The following TRDN variants were observed in gnomAD, a reference collection of about 807,000 sequenced individuals.
TRDN encodes the protein triadin, also known as triadin in skeletal muscle.
Under a neutral mutation model 149.7 loss-of-function variants are expected in TRDN, and 161 were observed. That is an observed-to-expected ratio of 1.08 (90% CI 0.95 to 1.23). The LOEUF is 1.23. Among genes scored for constraint, TRDN ranks in the 50% most tolerant of loss-of-function variants. The pLI, the probability that TRDN is intolerant of heterozygous loss-of-function variation, is 0.00. For synonymous variants in TRDN, 294 were observed against 250.5 expected, an observed-to-expected ratio of 1.17 and a Z score of -1.64; for missense variants, 896 against 823.5, an observed-to-expected ratio of 1.09 and a Z score of -1.08.
At position 123,316,437 on chromosome 6, in the gene TRDN, A is replaced by G; in HGVS notation, c.1510+20T>C. 6.2e-7 allele frequency: 1 copy of G among 1,608,154 alleles called. No homozygotes were observed. Among genetic ancestry groups the G allele is most frequent in the Non-Finnish European group, 8.5e-7 (1 of 1,175,864 alleles). On this transcript the variant is annotated intron_variant, in intron 24 of 40. Coordinates refer to ENST00000334268, the MANE Select transcript of TRDN (RefSeq NM_006073.4). ...AAACAGAACATCTCCTTGTATGTAA[A>G]TCTTACAAAATATCCTTACCTGCTT...
At chr6:123,510,892 C>G (rs1218268723) in intron 7 of TRDN, among the ~76,000 whole-genome samples, 1 of 152,134 alleles carries the variant, frequency 6.6e-6, no homozygotes, top group Non-Finnish European at 1.5e-5. Flanking sequence ...GATTCACCGG[C>G]CTCGGCCTCC....
intron 12 of TRDN, among the ~76,000 whole-genome samples, chr6:123,404,140 A>G (rs147254537): frequency 1.3e-5 from 2 of 152,312 alleles, no homozygotes; most frequent in East Asian, 3.9e-4. Flanking sequence ...TGGACTCTCA[A>G]TCTTCTCCTT....
At chr6:123,233,483 A>T (rs1775682330) in intron 38 of TRDN, among the ~76,000 whole-genome samples, 1 of 151,978 alleles carries the variant, frequency 6.6e-6, no homozygotes, top group African/African-American at 2.4e-5. Context: ...CTGTCCCATC[A>T]CTCCCAGGAT....
At chr6:123,417,146 A>G (rs553610279) in intron 12 of TRDN, among the ~76,000 whole-genome samples, 1 of 152,328 alleles carries the variant, frequency 6.6e-6, no homozygotes, top group African/African-American at 2.4e-5. Context: ...GAGGATTTGC[A>G]TACCACCAAG....
intron 24 of TRDN, among the ~76,000 whole-genome samples, chr6:123,282,872 A>G (rs1291235546): frequency 2.0e-5 from 3 of 151,942 alleles, no homozygotes; most frequent in Non-Finnish European, 4.4e-5. Flanking sequence ...TATAACACAT[A>G]TAAAGATCTT....
intron 10 of TRDN, among the ~76,000 whole-genome samples, chr6:123,455,961 C>T (rs967726093): frequency 7.9e-5 from 12 of 152,040 alleles, no homozygotes; most frequent in African/African-American, 2.9e-4. Flanking sequence ...GAAAATTGAG[C>T]TTTTTCTTTT....
intron 12 of TRDN, among the ~76,000 whole-genome samples, chr6:123,426,871 G>A (rs1774141730): frequency 6.6e-6 from 1 of 151,944 alleles, no homozygotes; most frequent in Non-Finnish European, 1.5e-5. Flanking sequence ...TATTACATGT[G>A]CTCCTCAAGG....
intron 20 of TRDN, among the ~76,000 whole-genome samples, chr6:123,359,946 C>G (rs1780832750): frequency 6.6e-6 from 1 of 152,100 alleles, no homozygotes; most frequent in Non-Finnish European, 1.5e-5. Context: ...CCACCCATCT[C>G]GGCCTCCCAA....
intron 5 of TRDN, among the ~76,000 whole-genome samples, chr6:123,529,686 C>T (rs2114333646): frequency 6.6e-6 from 1 of 152,036 alleles, no homozygotes; most frequent in Non-Finnish European, 1.5e-5. Flanking sequence ...GGATAAAATT[C>T]CATTTTTATC....
chr6:123,462,243 G>T (rs1008528694), intron 10 of TRDN: 6 of 152,102 alleles, frequency 3.9e-5, no homozygotes, highest in Non-Finnish European at 8.8e-5. Flanking sequence ...CTTCATTATG[G>T]CAGACAAAGC....
At chr6:123,481,650 T>G (rs1777755613) in intron 9 of TRDN, among the ~76,000 whole-genome samples, 1 of 152,088 alleles carries the variant, frequency 6.6e-6, no homozygotes, top group South Asian at 2.1e-4. Flanking sequence ...TGACATACCA[T>G]TAGCACTCAG....
chr6:123,559,431 C>T (rs1781855412), intron 2 of TRDN, among the ~76,000 whole-genome samples: 1 of 152,114 alleles, frequency 6.6e-6, no homozygotes, highest in Non-Finnish European at 1.5e-5. Flanking sequence ...CTGACTATTC[C>T]TGGATTACAG....
chr6:123,562,951 A>G (rs1175848030), intron 2 of TRDN, among the ~76,000 whole-genome samples: 1 of 152,202 alleles, frequency 6.6e-6, no homozygotes, highest in Non-Finnish European at 1.5e-5. Flanking sequence ...TATCTGAGGC[A>G]TGGGCATTTT....
At chr6:123,625,023 G>A (rs1785579998) in intron 1 of TRDN, among the ~76,000 whole-genome samples, 1 of 151,416 alleles carries the variant, frequency 6.6e-6, no homozygotes, top group Non-Finnish European at 1.5e-5. Flanking sequence ...GTCATCCCAG[G>A]GCTACATCCC....
chr6:123,465,045 C>G (rs1366949425), intron 9 of TRDN, 62 bp from the exon 10 acceptor site: 1 of 1,513,156 alleles, frequency 6.6e-7, no homozygotes, highest in Admixed American at 2.1e-5. Flanking sequence ...ATATCCACAA[C>G]TAAAAAGCTA....
chr6:123,633,462 A>T (rs186702231), intron 1 of TRDN, among the ~76,000 whole-genome samples: 1 of 151,766 alleles, frequency 6.6e-6, no homozygotes, highest in African/African-American at 2.4e-5. Context: ...CATTCTTTAA[A>T]CTCTCTCAAC....
At chr6:123,628,851 G>A (rs938456470) in intron 1 of TRDN, among the ~76,000 whole-genome samples, 2 of 151,886 alleles carry the variant, frequency 1.3e-5, no homozygotes, top group Non-Finnish European at 2.9e-5. Flanking sequence ...CAAACCTCTG[G>A]CATGACATAC....
intron 5 of TRDN, chr6:123,529,152 C>G (rs1354703916): frequency 1.3e-6 from 2 of 1,536,286 alleles, no homozygotes; most frequent in South Asian, 1.2e-5. Flanking sequence ...ATTAATAGCA[C>G]AGTCTGCAAG....
chr6:123,559,762 G>A (rs959736542), intron 2 of TRDN, among the ~76,000 whole-genome samples: 15 of 152,260 alleles, frequency 9.9e-5, no homozygotes, highest in South Asian at 6.2e-4. Flanking sequence ...GTTAGTTCAG[G>A]ATCTGCGCCT....
Sources: gnomAD v4.1 joint callset for allele counts (sites outside exome capture counted in the v4.1 genomes callset) on GRCh38, gnomAD v4.1.1 for gene constraint, MANE v1.5 for transcripts, NCBI Gene and HGNC (gene_info 2026-07-23, HGNC 2026-07-21) for gene names.